ASIC2: variants seen among roughly 807,000 people sequenced by gnomAD.
ASIC2 encodes acid sensing ion channel subunit 2.
Under a neutral mutation model 57.3 loss-of-function variants are expected in ASIC2, and 25 were observed. The observed-to-expected ratio is 0.44, with a 90% CI of 0.32 to 0.61. The LOEUF is 0.61. ASIC2 is among the 20% of genes least tolerant of loss of function. The pLI is 0.06. For missense variants in ASIC2, 641 were observed against 738.1 expected, an observed-to-expected ratio of 0.87 and a Z score of 1.52; for synonymous variants, 319 against 307.5, an observed-to-expected ratio of 1.04 and a Z score of -0.39.
chr17:33,289,547 G>A (rs1017838930), intron 1 of ASIC2, among the ~76,000 whole-genome samples: 1 of 152,212 alleles, frequency 6.6e-6, no homozygotes, highest in African/African-American at 2.4e-5. Context: ...TCTGAGAGAA[G>A]AGAGGCCCAA....
At chr17:33,799,483 T>C (rs868216215) in intron 1 of ASIC2, among the ~76,000 whole-genome samples, 7 of 145,396 alleles carry the variant, frequency 4.8e-5, no homozygotes, top group South Asian at 2.2e-4. Flanking sequence ...TCTTTCCTTC[T>C]TTCTTTCTTT....
intron 1 of ASIC2, among the ~76,000 whole-genome samples, chr17:33,578,146 C>T (rs548195601): frequency 1.3e-5 from 2 of 152,212 alleles, no homozygotes; most frequent in Admixed American, 6.5e-5. Flanking sequence ...TTAGAGACCA[C>T]CTGCCCTTAT....
At chr17:33,015,474 T>C (rs1394861157) in intron 9 of ASIC2, among the ~76,000 whole-genome samples, 1 of 152,184 alleles carries the variant, frequency 6.6e-6, no homozygotes, top group Non-Finnish European at 1.5e-5. Context: ...AAATACAAAG[T>C]GCCTGACAGT....
At chr17:33,630,659 C>G (rs1461319264) in intron 1 of ASIC2, among the ~76,000 whole-genome samples, 1 of 139,332 alleles carries the variant, frequency 7.2e-6, no homozygotes, top group African/African-American at 2.7e-5. Flanking sequence ...TCTACTTAAC[C>G]TTCTGAGCCT....
intron 1 of ASIC2, among the ~76,000 whole-genome samples, chr17:33,187,755 C>T (rs1285361361): frequency 6.6e-6 from 1 of 151,958 alleles, no homozygotes; most frequent in Admixed American, 6.6e-5. Flanking sequence ...GTATAGTTTG[C>T]TGATCCTTGA....
At chr17:33,891,703 G>A (rs189914030) in intron 1 of ASIC2, among the ~76,000 whole-genome samples, 52 of 152,266 alleles carry the variant, frequency 3.4e-4, no homozygotes, top group Admixed American at 3.3e-3. Context: ...AAGATGTTAA[G>A]GCATATGATG....
At chr17:33,849,751 G>A (rs116196853) in intron 1 of ASIC2, among the ~76,000 whole-genome samples, 1,811 of 152,270 alleles carry the variant, frequency 0.012, 37 homozygotes, top group African/African-American at 0.042. Context: ...AAGCAAGCAG[G>A]ACTCAGGCAT....
chr17:33,318,045 C>A (rs748163293), intron 1 of ASIC2, among the ~76,000 whole-genome samples: 2 of 152,108 alleles, frequency 1.3e-5, no homozygotes, highest in South Asian at 4.2e-4. Context: ...AGCTGACGGT[C>A]GCATTTGGGT....
At chr17:33,363,379 G>A (rs1216187780) in intron 1 of ASIC2, among the ~76,000 whole-genome samples, 2 of 152,168 alleles carry the variant, frequency 1.3e-5, no homozygotes, top group African/African-American at 2.4e-5. Context: ...TGGAATAAGA[G>A]GCAGTGACTT....
intron 1 of ASIC2, among the ~76,000 whole-genome samples, chr17:33,368,490 C>T (rs1908913502): frequency 6.6e-6 from 1 of 152,116 alleles, no homozygotes. Context: ...AATTCCTGAC[C>T]CAAAGAGGGC....
chr17:33,026,048 T>C (rs2091858110), intron 4 of ASIC2, 66 bp from the exon 5 acceptor site: 1 of 1,565,810 alleles, frequency 6.4e-7, no homozygotes, highest in African/African-American at 1.4e-5. Flanking sequence ...ACACCTCCTC[T>C]GCTTTGGGCT....
At chr17:33,992,664 G>C (rs1240728399) in intron 1 of ASIC2, among the ~76,000 whole-genome samples, 1 of 152,192 alleles carries the variant, frequency 6.6e-6, no homozygotes, top group Non-Finnish European at 1.5e-5. Flanking sequence ...GGCAGCTTGA[G>C]ATCAGTCATG....
At chr17:33,478,484 T>C (rs573534400) in intron 1 of ASIC2, among the ~76,000 whole-genome samples, 2 of 152,252 alleles carry the variant, frequency 1.3e-5, no homozygotes, top group African/African-American at 4.8e-5. Context: ...ATGAACATGC[T>C]ATCTGAGACT....
chr17:33,553,523 T>G (rs987572139), intron 1 of ASIC2, among the ~76,000 whole-genome samples: 21 of 151,778 alleles, frequency 1.4e-4, no homozygotes, highest in African/African-American at 4.6e-4. Flanking sequence ...TATTTTGAGA[T>G]GGAGGTCTCT....
chr17:33,361,780 T>C (rs1908617483), intron 1 of ASIC2, among the ~76,000 whole-genome samples: 1 of 152,208 alleles, frequency 6.6e-6, no homozygotes, highest in Admixed American at 6.5e-5. Flanking sequence ...ACTTTGTGAT[T>C]CACAAAGTAA....
At chr17:33,164,305 T>A (rs1905243535) in intron 1 of ASIC2, among the ~76,000 whole-genome samples, 1 of 152,182 alleles carries the variant, frequency 6.6e-6, no homozygotes, top group South Asian at 2.1e-4. Context: ...GTTTCTATAT[T>A]TAGGCGACTC....
chr17:34,002,285 C>T (rs1188390939), intron 1 of ASIC2: 1 of 152,224 alleles, frequency 6.6e-6, no homozygotes, highest in African/African-American at 2.4e-5. Flanking sequence ...AGAAGAAATT[C>T]CTGTCTTTCA....
intron 1 of ASIC2, among the ~76,000 whole-genome samples, chr17:33,823,372 C>T (rs181706330): frequency 7.2e-5 from 11 of 152,220 alleles, no homozygotes; most frequent in South Asian, 2.1e-4. Flanking sequence ...AAGGTTTAAA[C>T]GCATAAAGTC....
At chr17:33,424,833 T>G (rs1398068295) in intron 1 of ASIC2, among the ~76,000 whole-genome samples, 1 of 152,120 alleles carries the variant, frequency 6.6e-6, no homozygotes, top group Non-Finnish European at 1.5e-5. Context: ...TACCTGACCC[T>G]GTCTCCTAGG....
Sources: allele counts gnomAD v4.1 joint callset (sites outside exome capture counted in the v4.1 genomes callset), GRCh38; gene constraint gnomAD v4.1.1; transcripts MANE v1.5; gene names NCBI Gene and HGNC (gene_info 2026-07-23, HGNC 2026-07-21).